Variants in POLR3G observed in about 807,000 individuals in gnomAD.
The protein encoded by POLR3G is RNA polymerase III subunit G, also known as DNA-directed RNA polymerase III subunit RPC7.
In POLR3G, 28 loss-of-function variants were observed where a neutral mutation model predicts 30.1. The ratio of observed to expected loss-of-function variants is 0.93; its 90% CI spans 0.69 to 1.27. POLR3G has a LOEUF of 1.27. Ranked by LOEUF, POLR3G falls within the 50% of genes most tolerant of loss-of-function variation. The pLI is 0.00. For missense variants in POLR3G, 254 were observed against 264.6 expected (o/e 0.96, Z 0.28); for synonymous variants, 79 against 82.5 (o/e 0.96, Z 0.23).
At chr5:90,495,998 G>C (rs60208227) in intron 4 of POLR3G, among the ~76,000 whole-genome samples, 329 of 151,888 alleles carry the variant, frequency 2.2e-3, no homozygotes, top group African/African-American at 7.6e-3. Context: ...TTGAGATGGA[G>C]TCTTGCTCTG....
At chr5:90,492,908 G>T (rs1433036946) in intron 3 of POLR3G, among the ~76,000 whole-genome samples, 1 of 151,530 alleles carries the variant, frequency 6.6e-6, no homozygotes, top group Admixed American at 6.6e-5. Flanking sequence ...TTAAAGTATT[G>T]CATTTTGGAT....
intron 1 of POLR3G, among the ~76,000 whole-genome samples, chr5:90,478,171 A>G (rs1209183745): frequency 6.6e-6 from 1 of 151,466 alleles, no homozygotes; most frequent in Non-Finnish European, 1.5e-5. Context: ...ATCTGCTAGG[A>G]CGTTGTTTTG....
chr5:90,485,658 G>A lies in POLR3G; in HGVS notation c.91G>A (p.Val31Met). ...CAAAGGTGAAAAGTTACCTGATGTAGTGTTGAAACCACCCCCACTATTTCC... is the reference window on the plus strand; with the variant it reads ...CAAAGGTGAAAAGTTACCTGATGTAATGTTGAAACCACCCCCACTATTTCC... The part of the protein sequence containing the change: ...FSKGEKLPDV[V>M]LKPPPLFPDT... Residue 31 changes from valine (V) to methionine (M), a missense_variant, in exon 2 of 8, where the codon GTG becomes ATG. Transcript: ENST00000651687. 6.2e-7 allele frequency: 1 copy of A among 1,613,690 alleles called. No homozygotes were observed. Among genetic ancestry groups the A allele is most frequent in the South Asian group, 1.1e-5 (1 of 91,058 alleles).
At chr5:90,497,635 T>A (rs1480125080) in intron 4 of POLR3G, 21 bp from the exon 5 acceptor site, 2 of 1,576,170 alleles carry the variant, frequency 1.3e-6, no homozygotes, top group Admixed American at 4.0e-5. Context: ...TGCAATTTTT[T>A]ATTTTTTATT....
At chr5:90,480,021 G>C (rs923999771) in intron 1 of POLR3G, among the ~76,000 whole-genome samples, 27 of 152,170 alleles carry the variant, frequency 1.8e-4, no homozygotes, top group Middle Eastern at 3.2e-3. Context: ...TAGAGAAATT[G>C]CAAAGAAAGT....
intron 1 of POLR3G, 27 bp from the exon 2 acceptor site, chr5:90,485,498 G>A: frequency 9.4e-7 from 1 of 1,059,358 alleles, no homozygotes. Flanking sequence ...TTTTATATGT[G>A]ATCCAGTAAA....
chr5:90,501,802 C>A, intron 5 of POLR3G, 104 bp from the exon 6 acceptor site: 1 of 1,268,098 alleles, frequency 7.9e-7, no homozygotes, highest in Middle Eastern at 1.9e-4. Flanking sequence ...ATGTGACTGC[C>A]TAGGATGCAG....
At chr5:90,510,301 C>T (rs550844346) in intron 7 of POLR3G, among the ~76,000 whole-genome samples, 1 of 151,986 alleles carries the variant, frequency 6.6e-6, no homozygotes, top group South Asian at 2.1e-4. Context: ...TGGCGTGAAC[C>T]AGGGAGGCAG....
intron 5 of POLR3G, among the ~76,000 whole-genome samples, chr5:90,501,685 TA>T (rs562671305): frequency 3.2e-4 from 47 of 148,160 alleles, no homozygotes; most frequent in East Asian, 1.4e-3. Flanking sequence ...ACTTCAGTCT[TA>T]AAAAAAAAAA....
chr5:90,475,175 C>T (rs1188605877), intron 1 of POLR3G, among the ~76,000 whole-genome samples, 155 bp downstream of exon 1: 1 of 152,200 alleles, frequency 6.6e-6, no homozygotes, highest in Non-Finnish European at 1.5e-5. Context: ...TACCTCCCCT[C>T]CTTGTCCTGC....
chr5:90,497,254 G>GA (rs369026997), intron 4 of POLR3G, among the ~76,000 whole-genome samples: 15 of 148,300 alleles, frequency 1.0e-4, no homozygotes, highest in Admixed American at 1.3e-4. Context: ...ACATCCTTTT[G>GA]AAAAAAAAAA....
chr5:90,506,678 A>T lies in POLR3G; in HGVS notation c.585+4A>T. 6.3e-7 allele frequency: 1 copy of T among 1,599,568 alleles called. No homozygotes were observed. Reference sequence around the variant, plus strand: ...TGATGAAGAAGAGCAAGAAGAGGTAATGGTTCATTTGGGGATGGTAGCAAA... The same window carrying T: ...TGATGAAGAAGAGCAAGAAGAGGTATTGGTTCATTTGGGGATGGTAGCAAA... On this transcript the variant is annotated splice_donor_region_variant and intron_variant, in intron 7 of 7. Coordinates refer to ENST00000651687, the MANE Select transcript of POLR3G (RefSeq NM_006467.3).
chr5:90,474,367 C>G, upstream of POLR3G: 6 of 1,373,854 alleles, frequency 4.4e-6, no homozygotes, highest in Non-Finnish European at 6.1e-6. Context: ...ACACAGGGCA[C>G]TGCGGCTGTG....
At chr5:90,510,688 A>T (rs1300004693) in intron 7 of POLR3G, among the ~76,000 whole-genome samples, 1 of 152,162 alleles carries the variant, frequency 6.6e-6, no homozygotes, top group Admixed American at 6.5e-5. Context: ...TTTTTTTGGC[A>T]CCAGAAAAGC....
At chr5:90,493,272 G>C (rs1751821652) in intron 3 of POLR3G, among the ~76,000 whole-genome samples, 1 of 152,022 alleles carries the variant, frequency 6.6e-6, no homozygotes, top group African/African-American at 2.4e-5. Context: ...TTTGAGACAG[G>C]ATCTCGTTCT....
intron 2 of POLR3G, among the ~76,000 whole-genome samples, chr5:90,487,254 G>A (rs1751484775): frequency 6.6e-6 from 1 of 151,380 alleles, no homozygotes; most frequent in Admixed American, 6.6e-5. Flanking sequence ...CTAAATGATA[G>A]CTGCTGCTTT....
chr5:90,474,553 G>A (rs1353046954), upstream of POLR3G: 8 of 508,916 alleles, frequency 1.6e-5, no homozygotes, highest in Non-Finnish European at 2.1e-5. Context: ...CGGGGGCGCA[G>A]GAGCTACCGC....
Position 90,512,903 on chromosome 5 carries a change from C to CT in POLR3G, c.*767dup, listed in dbSNP as rs1752802569. 6.6e-6 allele frequency: 1 copy of CT among 151,996 alleles called. No homozygotes were observed. Among genetic ancestry groups the CT allele is most frequent in the African/African-American group, 2.4e-5 (1 of 41,414 alleles). The allele number at this position is 151,996 out of a possible 1,614,324, so 9.4% of individuals were successfully genotyped here. A position where few individuals can be genotyped will look rare whatever the true frequency, so the allele number is the denominator to read the frequency against. On this transcript the variant is annotated 3_prime_UTR_variant, in exon 8 of 8. Coordinates refer to ENST00000651687, the MANE Select transcript of POLR3G (RefSeq NM_006467.3). ...TTTGACTAAGACATTTTATTTTATA[C>CT]TTTATGTAAATGTGAAATAAGTTCT...
At chr5:90,502,288 A>G (rs1400391137) in intron 6 of POLR3G, 7 of 976,548 alleles carry the variant, frequency 7.2e-6, no homozygotes, top group Non-Finnish European at 8.5e-6. Context: ...AGAGAGAAAC[A>G]TGAACAAGTT....
Sources: gnomAD v4.1 joint callset for allele counts (sites outside exome capture counted in the v4.1 genomes callset) on GRCh38, gnomAD v4.1.1 for gene constraint, MANE v1.5 for transcripts, NCBI Gene and HGNC (gene_info 2026-07-23, HGNC 2026-07-21) for gene names.